ZNF875: variants seen among roughly 807,000 people sequenced by gnomAD.
ZNF875 encodes the protein zinc finger protein 875.
ZNF875 carries 14 observed loss-of-function variants against 11.2 expected under a neutral mutation model. That is an observed-to-expected ratio of 1.26 (90% CI 0.83 to 1.96). The LOEUF (loss-of-function observed/expected upper bound fraction) is 1.96. ZNF875 is among the 30% of genes most tolerant of loss of function. The pLI is 0.00. For synonymous variants in ZNF875, 301 were observed against 281.1 expected, an observed-to-expected ratio of 1.07 and a Z score of -0.71; for missense variants, 752 against 760.4, an observed-to-expected ratio of 0.99 and a Z score of 0.13.
upstream of ZNF875, chr19:37,316,965 C>G (rs2030246719): frequency 6.6e-6 from 1 of 151,406 alleles, no homozygotes; most frequent in Non-Finnish European, 1.5e-5. Context: ...CCGCGCCCGG[C>G]CCCATTTCCT....
intron 1 of ZNF875, among the ~76,000 whole-genome samples, chr19:37,319,352 T>TATAA (rs2030852041): frequency 7.0e-6 from 1 of 142,488 alleles, no homozygotes; most frequent in South Asian, 2.2e-4. Context: ...GGCATATATA[T>TATAA]ATATATATAT....
At chr19:37,362,038 C>A in intron 4 of ZNF875, 71 bp from the exon 5 acceptor site, 1 of 866,002 alleles carries the variant, frequency 1.2e-6, no homozygotes, top group Non-Finnish European at 1.9e-6. Context: ...TTATGAATGA[C>A]CAGTGGGCAA....
chr19:37,326,850 T>G (rs2032541819), intron 4 of ZNF875, among the ~76,000 whole-genome samples: 1 of 151,902 alleles, frequency 6.6e-6, no homozygotes. Context: ...GTCTTTTTAG[T>G]AGAGCCAGAG....
In ZNF875 at chr19:37,362,992, C is replaced by A; in HGVS notation, c.1140C>A (p.His380Gln). The change falls in exon 5 of 5, where the codon CAC becomes CAA. Residue 380 changes from histidine to glutamine, a missense_variant. Transcript: ENST00000392153. ...ECGRGFRQHS[H>Q]LVRHKRTHSG... is the part of the protein sequence containing the mutation. ...GGCGTGGCTTTCGCCAGCATTCACA[C>A]CTGGTCAGACACAAGAGGACACATT... 6.2e-7 allele frequency: 1 copy of A among 1,614,152 alleles called. No homozygotes were observed. Among genetic ancestry groups the A allele is most frequent in the Non-Finnish European group, 8.5e-7 (1 of 1,180,030 alleles).
At chr19:37,316,126 CG>C (rs2030174325), upstream of ZNF875, among the ~76,000 whole-genome samples, 1 of 152,178 alleles carries the variant, frequency 6.6e-6, no homozygotes, top group East Asian at 1.9e-4. Flanking sequence ...ACACTGTGAT[CG>C]GAACTAAAGC....
At position 37,347,309 on chromosome 19, in the gene ZNF875, C is replaced by T. The variant is rs115422824; in HGVS notation, c.153C>T (p.Val51=). The change falls in exon 3 of 5, where the codon GTC becomes GTT. Residue 51 remains valine (V), a synonymous_variant. Transcript: ENST00000392153. ...EVMLETYNHL[V]SLEIPSSKPK... ...TGCTGGAGACTTATAACCATCTGGT[C>T]TCACTGGGTAAGAATGGCCTCCCTT... 7,370 of 1,613,004 alleles carry T rather than the reference C, an allele frequency of 4.6e-3. 304 individuals carry two copies. The African/African-American group carries it at 0.085, about 19-fold the overall frequency.
At chr19:37,326,811 A>ATG in intron 4 of ZNF875, among the ~76,000 whole-genome samples, 1 of 150,768 alleles carries the variant, frequency 6.6e-6, no homozygotes, top group East Asian at 2.0e-4. Flanking sequence ...GGGATTACAG[A>ATG]TGTGCACCAC....
chr19:37,355,212 C>T (rs1049402509), intron 4 of ZNF875, among the ~76,000 whole-genome samples: 1 of 152,010 alleles, frequency 6.6e-6, no homozygotes, highest in Non-Finnish European at 1.5e-5. Context: ...TTTTTTGAGA[C>T]AGAGTCTCGC....
intron 2 of ZNF875, among the ~76,000 whole-genome samples, chr19:37,344,134 T>C (rs917083867): frequency 2.6e-5 from 4 of 152,108 alleles, no homozygotes; most frequent in African/African-American, 7.2e-5. Flanking sequence ...ATAATATCGA[T>C]TTTATAGGAA....
chr19:37,335,493 G>C (rs1215002345), intron 2 of ZNF875, among the ~76,000 whole-genome samples: 1 of 152,164 alleles, frequency 6.6e-6, no homozygotes, highest in African/African-American at 2.4e-5. Flanking sequence ...AGGAATAAAA[G>C]ACAAGAAACA....
At chr19:37,319,784 T>G (rs898381311) in intron 1 of ZNF875, among the ~76,000 whole-genome samples, 1 of 152,190 alleles carries the variant, frequency 6.6e-6, no homozygotes, top group African/African-American at 2.4e-5. Context: ...AACAACCATT[T>G]TTTTCCTCTC....
chr19:37,334,731 A>T lies in ZNF875; in HGVS notation c.-108A>T, dbSNP rs10404602. 91,149 of 455,822 alleles carry T rather than the reference A, an allele frequency of 0.2. 10,179 individuals carry two copies. Among genetic ancestry groups the T allele is most frequent in the South Asian group, 0.29 (18,610 of 64,554 alleles). The allele number at this position is 455,822 out of a possible 1,614,324, so 28.2% of individuals were successfully genotyped here. A position where few individuals can be genotyped will look rare whatever the true frequency, so the allele number is the denominator to read the frequency against. On this transcript the variant is annotated 5_prime_UTR_variant, in exon 1 of 5. Coordinates refer to ENST00000392153, the MANE Select transcript of ZNF875 (RefSeq NM_001353803.2). ...CTTAAGGTCTTTCCCACACCTCTGC[A>T]CCTTGTTACCTGACTTTCGGCTTCA... is the stretch of plus-strand genomic sequence containing the variant.
intron 4 of ZNF875, among the ~76,000 whole-genome samples, chr19:37,348,365 A>G (rs1290075199): frequency 6.6e-6 from 1 of 151,986 alleles, no homozygotes; most frequent in Non-Finnish European, 1.5e-5. Context: ...CGAAACCCCT[A>G]TTTCCCCTTC....
intron 2 of ZNF875, among the ~76,000 whole-genome samples, chr19:37,338,200 G>A (rs1019489640): frequency 1.3e-5 from 2 of 152,156 alleles, no homozygotes; most frequent in African/African-American, 4.8e-5. Context: ...TTGGCTTACT[G>A]CAGTCTCCGC....
intron 4 of ZNF875, among the ~76,000 whole-genome samples, chr19:37,355,751 T>C (rs1251240747): frequency 6.6e-6 from 1 of 152,238 alleles, no homozygotes; most frequent in Non-Finnish European, 1.5e-5. Flanking sequence ...CAATAATCTT[T>C]CTCTGTCTTT....
At chr19:37,347,482 G>T in intron 3 of ZNF875, 166 bp downstream of exon 3, 1 of 659,486 alleles carries the variant, frequency 1.5e-6, no homozygotes, top group Non-Finnish European at 2.6e-6. Flanking sequence ...AAAGCAGACA[G>T]ATTGATTTAT....
chr19:37,338,555 C>T (rs904348859), intron 2 of ZNF875, among the ~76,000 whole-genome samples: 3 of 152,064 alleles, frequency 2.0e-5, no homozygotes, highest in Non-Finnish European at 2.9e-5. Flanking sequence ...TAGGTCTACC[C>T]GGAACTGCCT....
upstream of ZNF875, among the ~76,000 whole-genome samples, chr19:37,313,970 C>CA (rs1466126604): frequency 6.6e-6 from 1 of 152,084 alleles, no homozygotes; most frequent in East Asian, 1.9e-4. Flanking sequence ...TCTTATAACT[C>CA]AGAGACACCA....
upstream of ZNF875, among the ~76,000 whole-genome samples, chr19:37,334,187 G>T (rs2033820298): frequency 6.6e-6 from 1 of 152,162 alleles, no homozygotes; most frequent in Admixed American, 6.5e-5. Flanking sequence ...TCCTACTCTA[G>T]GGGACAAAGG....
Sources: allele counts gnomAD v4.1 joint callset (sites outside exome capture counted in the v4.1 genomes callset), GRCh38; gene constraint gnomAD v4.1.1; transcripts MANE v1.5; gene names NCBI Gene and HGNC (gene_info 2026-07-23, HGNC 2026-07-21).